The following PLD3 variants were observed in gnomAD, a reference collection of about 807,000 sequenced individuals.
PLD3 encodes phospholipase D family member 3.
In PLD3, 31 loss-of-function variants were observed where a neutral mutation model predicts 58.4. That is an observed-to-expected ratio of 0.53 (90% CI 0.40 to 0.72). The LOEUF (loss-of-function observed/expected upper bound fraction) is 0.72. Ranked by LOEUF, PLD3 falls within the 30% of genes least tolerant of loss-of-function variation. The probability of loss-of-function intolerance (pLI) is 0.00; values close to 1 mark genes in which losing one functional copy is unlikely to be tolerated. For missense variants in PLD3, 595 were observed against 659.8 expected, an observed-to-expected ratio of 0.90 and a Z score of 1.08; for synonymous variants, 264 against 273.4, an observed-to-expected ratio of 0.97 and a Z score of 0.34.
At chr19:40,359,494 G>T in intron 1 of PLD3, 1 of 152,284 alleles carries the variant, frequency 6.6e-6, no homozygotes, top group Non-Finnish European at 1.5e-5. Flanking sequence ...TCCAGCATCC[G>T]GCTGCCCGTG....
intron 6 of PLD3, 58 bp downstream of exon 6, chr19:40,367,937 G>A: frequency 7.0e-7 from 1 of 1,424,368 alleles, no homozygotes; most frequent in Non-Finnish European, 9.5e-7. Flanking sequence ...GGCAGCGGGG[G>A]CTGTGGGGAA....
At chr19:40,368,036 C>T (rs555727732) in intron 6 of PLD3, among the ~76,000 whole-genome samples, 157 bp downstream of exon 6, 1 of 152,284 alleles carries the variant, frequency 6.6e-6, no homozygotes, top group East Asian at 1.9e-4. Flanking sequence ...GCTGTCGTCA[C>T]GTGGCTCTCT....
chr19:40,370,525 A>C, intron 8 of PLD3: 1 of 257,436 alleles, frequency 3.9e-6, no homozygotes, highest in Non-Finnish European at 7.6e-6. Flanking sequence ...AAAAAAAAAT[A>C]AGCCCGGTGT....
At chr19:40,372,457 A>T (rs1188388870) in intron 9 of PLD3, among the ~76,000 whole-genome samples, 1 of 150,074 alleles carries the variant, frequency 6.7e-6, no homozygotes. Flanking sequence ...TGATCACACC[A>T]CTGTACTCCA....
intron 8 of PLD3, chr19:40,370,952 AGGGC>A (rs2079052715): frequency 6.6e-6 from 1 of 152,644 alleles, no homozygotes; most frequent in Non-Finnish European, 1.5e-5. Context: ...CAGAGGGGTC[AGGGC>A]CGGGGTTGGG....
chr19:40,378,277 G>T lies in PLD3; in HGVS notation c.*104G>T. On this transcript the variant is annotated 3_prime_UTR_variant, in exon 13 of 13. Coordinates refer to ENST00000409735, the MANE Select transcript of PLD3 (RefSeq NM_012268.4). ...CGCCCCCGCTTCTGTCTGCCCCATT[G>T]TGGCTCCTCAGGCTCTCTCCCCTGC... 9.1e-7 allele frequency: 1 copy of T among 1,100,974 alleles called. No individual in the cohort carries two copies. Among genetic ancestry groups the T allele is most frequent in the East Asian group, 2.4e-5 (1 of 42,400 alleles). The allele number at this position is 1,100,974 out of a possible 1,614,324, so 68.2% of individuals were successfully genotyped here.
chr19:40,369,883 C>T, intron 6 of PLD3, 25 bp from the exon 7 acceptor site: 1 of 1,538,702 alleles, frequency 6.5e-7, no homozygotes, highest in Non-Finnish European at 8.8e-7. Flanking sequence ...GGTCCAGCCC[C>T]TCAGAAGCTC....
At chr19:40,350,637 G>A (rs747352061) in intron 1 of PLD3, among the ~76,000 whole-genome samples, 1 of 151,812 alleles carries the variant, frequency 6.6e-6, no homozygotes, top group Non-Finnish European at 1.5e-5. Flanking sequence ...TGAGCAACTC[G>A]GGAGGCTGAG....
intron 1 of PLD3, among the ~76,000 whole-genome samples, chr19:40,355,460 G>A (rs1229239229): frequency 1.3e-5 from 2 of 151,418 alleles, no homozygotes; most frequent in African/African-American, 4.8e-5. Flanking sequence ...CTACAGGCAC[G>A]CGCCACCAGG....
intron 1 of PLD3, among the ~76,000 whole-genome samples, chr19:40,362,382 T>G (rs1195502172): frequency 2.0e-5 from 3 of 152,220 alleles, no homozygotes; most frequent in Non-Finnish European, 2.9e-5. Context: ...TAGCACTTAC[T>G]GTATTGTCTT....
chr19:40,360,807 G>A (rs1205234546), intron 1 of PLD3, among the ~76,000 whole-genome samples: 1 of 152,060 alleles, frequency 6.6e-6, no homozygotes, highest in East Asian at 1.9e-4. Flanking sequence ...CTATCTCTGA[G>A]GACAGTTGTG....
At chr19:40,370,284 C>T (rs746769130) in intron 8 of PLD3, 47 bp downstream of exon 8, 1 of 1,576,336 alleles carries the variant, frequency 6.3e-7, no homozygotes, top group Non-Finnish European at 8.6e-7. Flanking sequence ...CTCCCTGCCC[C>T]ACAGGGCACC....
chr19:40,358,848 C>T (rs1397645607), intron 1 of PLD3: 1 of 152,206 alleles, frequency 6.6e-6, no homozygotes, highest in Non-Finnish European at 1.5e-5. Flanking sequence ...TCAAATCTCC[C>T]ACTGCCACCC....
At chr19:40,354,177 G>T (rs1473100030) in intron 1 of PLD3, among the ~76,000 whole-genome samples, 1 of 147,624 alleles carries the variant, frequency 6.8e-6, no homozygotes, top group East Asian at 2.0e-4. Flanking sequence ...GGGGTCAAGC[G>T]ATTCCCCTGC....
chr19:40,353,680 A>G (rs1246862407), intron 1 of PLD3, among the ~76,000 whole-genome samples: 2 of 145,986 alleles, frequency 1.4e-5, no homozygotes, highest in African/African-American at 5.1e-5. Context: ...CCAGGTTCAC[A>G]CCATCCTCCT....
chr19:40,369,361 CAACAAACA>C (rs930529269), intron 6 of PLD3, among the ~76,000 whole-genome samples: 2 of 151,980 alleles, frequency 1.3e-5, no homozygotes, highest in Non-Finnish European at 2.9e-5. Context: ...GTCCCTGTCT[CAACAAACA>C]AACAAACAAA....
intron 2 of PLD3, 33 bp from the exon 3 acceptor site, chr19:40,366,386 C>A: frequency 1.0e-6 from 1 of 993,406 alleles, no homozygotes; most frequent in Non-Finnish European, 1.6e-6. Context: ...AAGCGTAGAA[C>A]ACCCCACACA....
chr19:40,360,317 C>G (rs2078748649), intron 1 of PLD3: 1 of 152,502 alleles, frequency 6.6e-6, no homozygotes, highest in African/African-American at 2.4e-5. Context: ...TGGATGCTCC[C>G]AGCAGCCTCC....
intron 10 of PLD3, among the ~76,000 whole-genome samples, chr19:40,376,016 A>G (rs958328013): frequency 7.3e-5 from 11 of 151,330 alleles, no homozygotes; most frequent in African/African-American, 2.7e-4. Context: ...TCGTGCCACT[A>G]CACTCCAGCC....
Sources: allele counts gnomAD v4.1 joint callset (sites outside exome capture counted in the v4.1 genomes callset), GRCh38; gene constraint gnomAD v4.1.1; transcripts MANE v1.5; gene names NCBI Gene and HGNC (gene_info 2026-07-23, HGNC 2026-07-21).